AGBL4: variants seen among roughly 807,000 people sequenced by gnomAD.
AGBL4 encodes AGBL carboxypeptidase 4.
Under a neutral mutation model 66.4 loss-of-function variants are expected in AGBL4, and 58 were observed. That is an observed-to-expected ratio of 0.87 (90% CI 0.71 to 1.09). AGBL4 has a LOEUF of 1.09. Among genes scored for constraint, AGBL4 ranks in the 50% least tolerant of loss-of-function variants. The pLI is 0.00. For synonymous variants in AGBL4, 234 were observed against 222.9 expected (o/e 1.05, Z -0.44); for missense variants, 579 against 631.0 (o/e 0.92, Z 0.88).
chr1:49,677,160 G>GTC (rs1169125910), intron 3 of AGBL4, among the ~76,000 whole-genome samples: 10 of 151,468 alleles, frequency 6.6e-5, no homozygotes, highest in East Asian at 1.9e-4. Flanking sequence ...TACTTACTTA[G>GTC]TCTCTCTCTC....
chr1:49,845,819 G>A (rs994380134), intron 2 of AGBL4: 9 of 1,527,272 alleles, frequency 5.9e-6, no homozygotes, highest in Admixed American at 1.7e-5. Flanking sequence ...ATGCACACAG[G>A]AGAGAAGCCG....
At chr1:49,370,110 T>C (rs184636302) in intron 3 of AGBL4, among the ~76,000 whole-genome samples, 1 of 140,580 alleles carries the variant, frequency 7.1e-6, no homozygotes, top group East Asian at 2.0e-4. Flanking sequence ...AATTACAATA[T>C]ATAATATATT....
chr1:49,076,298 T>C lies in AGBL4; in HGVS notation c.378-30498A>G, dbSNP rs566576458. Among the ~76,000 whole-genome samples the C allele has an allele frequency of 2.6e-5, 4 of 152,256 alleles. No individual in the cohort carries two copies. In the South Asian group the frequency reaches 8.3e-4, roughly 32 times the overall value. ...AGCATTTGCATATAACCTATACACA[T>C]CCTCCTATATATTTTAAATCATTTC... On this transcript the variant is annotated intron_variant, in intron 4 of 13. Coordinates refer to ENST00000371839, the MANE Select transcript of AGBL4 (RefSeq NM_032785.4).
intron 6 of AGBL4, among the ~76,000 whole-genome samples, chr1:48,825,170 A>G (rs192610526): frequency 2.0e-5 from 3 of 152,292 alleles, no homozygotes; most frequent in Admixed American, 2.0e-4. Flanking sequence ...AGCTTCGAAC[A>G]CAAACACAAT....
At chr1:48,961,590 C>A (rs564640482) in intron 5 of AGBL4, among the ~76,000 whole-genome samples, 1 of 152,258 alleles carries the variant, frequency 6.6e-6, no homozygotes, top group East Asian at 1.9e-4. Context: ...GAGAAAAGAG[C>A]AACCAAGGGA....
intron 3 of AGBL4, among the ~76,000 whole-genome samples, chr1:49,601,380 G>T (rs1571147798): frequency 1.3e-5 from 2 of 149,856 alleles, no homozygotes; most frequent in South Asian, 2.1e-4. Flanking sequence ...TCATTAAGTT[G>T]ATCTTCAATC....
At chr1:49,014,979 T>C (rs2764699) in intron 5 of AGBL4, among the ~76,000 whole-genome samples, 16,123 of 152,236 alleles carry the variant, frequency 0.11, 1,063 homozygotes, top group East Asian at 0.32. Context: ...CTCTTTCTAG[T>C]ATTTCCATAG....
chr1:49,073,209 G>T (rs1410553142), intron 4 of AGBL4, among the ~76,000 whole-genome samples: 7 of 152,056 alleles, frequency 4.6e-5, no homozygotes. Context: ...TTAGTTCGGA[G>T]GAGTTTGTTA....
intron 6 of AGBL4, among the ~76,000 whole-genome samples, chr1:48,712,125 C>T (rs925162164): frequency 6.6e-6 from 1 of 152,200 alleles, no homozygotes; most frequent in Non-Finnish European, 1.5e-5. Context: ...CAAGGCTCCC[C>T]TTCTCCCCCC....
At chr1:49,120,037 T>G (rs1388521105) in intron 4 of AGBL4, among the ~76,000 whole-genome samples, 1 of 152,176 alleles carries the variant, frequency 6.6e-6, no homozygotes, top group Admixed American at 6.5e-5. Flanking sequence ...GCTTGGTAGA[T>G]CTTTCTCCAT....
chr1:49,892,574 A>G (rs941108833), intron 1 of AGBL4, among the ~76,000 whole-genome samples: 2 of 151,998 alleles, frequency 1.3e-5, no homozygotes, highest in East Asian at 1.9e-4. Context: ...TGTACCTTCT[A>G]TGCTTGCTCT....
At chr1:49,075,005 G>GA (rs1644682906) in intron 4 of AGBL4, among the ~76,000 whole-genome samples, 1 of 152,016 alleles carries the variant, frequency 6.6e-6, no homozygotes, top group African/African-American at 2.4e-5. Context: ...AGAAATATCA[G>GA]AAAAAATTAT....
intron 1 of AGBL4, among the ~76,000 whole-genome samples, chr1:49,936,505 C>T (rs1023996908): frequency 5.9e-5 from 9 of 151,974 alleles, no homozygotes; most frequent in Non-Finnish European, 7.4e-5. Flanking sequence ...AGATACTCCT[C>T]GAGAAGAGCA....
At chr1:49,891,499 A>G (rs76231699) in intron 1 of AGBL4, among the ~76,000 whole-genome samples, 8,115 of 152,234 alleles carry the variant, frequency 0.053, 240 homozygotes, top group African/African-American at 0.071. Flanking sequence ...CCTATAATGC[A>G]CAGAAATAAC....
intron 1 of AGBL4, among the ~76,000 whole-genome samples, chr1:49,937,128 T>C (rs1199220563): frequency 6.6e-6 from 1 of 151,490 alleles, no homozygotes; most frequent in Non-Finnish European, 1.5e-5. Context: ...AGGCTCAAAA[T>C]AAAAGGATGG....
intron 1 of AGBL4, among the ~76,000 whole-genome samples, chr1:49,971,111 G>A (rs561499046): frequency 1.8e-4 from 27 of 152,184 alleles, no homozygotes; most frequent in African/African-American, 6.5e-4. Context: ...CTTTATCTGT[G>A]GTTTTACTTT....
intron 1 of AGBL4, among the ~76,000 whole-genome samples, chr1:49,916,638 G>A (rs902013729): frequency 2.6e-5 from 4 of 152,122 alleles, no homozygotes; most frequent in African/African-American, 9.7e-5. Context: ...GGGGAGAATG[G>A]AACCAAGTTG....
chr1:49,698,964 C>T (rs932111334), intron 2 of AGBL4, among the ~76,000 whole-genome samples: 21 of 151,866 alleles, frequency 1.4e-4, no homozygotes, highest in Non-Finnish European at 2.8e-4. Flanking sequence ...TTATTAAATC[C>T]TCACCATGAC....
At chr1:49,732,774 T>G (rs1050010769) in intron 2 of AGBL4, among the ~76,000 whole-genome samples, 1 of 152,046 alleles carries the variant, frequency 6.6e-6, no homozygotes. Flanking sequence ...AGATCTCCAG[T>G]GCAGCAAGTT....
Sources: gnomAD v4.1 joint callset for allele counts (sites outside exome capture counted in the v4.1 genomes callset) on GRCh38, gnomAD v4.1.1 for gene constraint, MANE v1.5 for transcripts, NCBI Gene and HGNC (gene_info 2026-07-23, HGNC 2026-07-21) for gene names.